PARP4: variants seen among roughly 807,000 people sequenced by gnomAD.
PARP4 encodes poly(ADP-ribose) polymerase family member 4.
Under a neutral mutation model 187.7 loss-of-function variants are expected in PARP4, and 120 were observed. The observed-to-expected ratio is 0.64, with a 90% CI of 0.55 to 0.74. PARP4 has a LOEUF of 0.74. PARP4 is among the 30% of genes least tolerant of loss of function. The pLI, the probability that PARP4 is intolerant of heterozygous loss-of-function variation, is 0.00. For missense variants in PARP4, 1,836 were observed against 2,070.5 expected (o/e 0.89, Z 2.20); for synonymous variants, 654 against 740.9 (o/e 0.88, Z 1.90).
chr13:24,456,293 A>G (rs770532018), intron 21 of PARP4, 48 bp downstream of exon 21: 7 of 1,477,860 alleles, frequency 4.7e-6, no homozygotes, highest in Non-Finnish European at 6.4e-6. Flanking sequence ...CTTATTCTGA[A>G]ACATTTTTTC....
chr13:24,465,377 T>C (rs1872407088), intron 17 of PARP4, among the ~76,000 whole-genome samples: 1 of 152,122 alleles, frequency 6.6e-6, no homozygotes, highest in Non-Finnish European at 1.5e-5. Flanking sequence ...AGCAAAGACA[T>C]GGAATCAATC....
chr13:24,450,846 G>C (rs1162610695), intron 24 of PARP4, among the ~76,000 whole-genome samples: 1 of 152,170 alleles, frequency 6.6e-6, no homozygotes, highest in African/African-American at 2.4e-5. Context: ...TGCACACCCA[G>C]ACTCCCCGTC....
chr13:24,492,516 T>C lies in PARP4; in HGVS notation c.958A>G (p.Met320Val). 4 of 1,614,010 alleles carry C rather than the reference T, an allele frequency of 2.5e-6. No individual in the cohort carries two copies. The highest frequency in any genetic ancestry group is 3.4e-6 in the Non-Finnish European group (4 of 1,179,836). Reference protein sequence around the residue: ...NGETAEQLQKMMTEFYRLIPH... With the variant: ...NGETAEQLQKVMTEFYRLIPH... ...ATCAGTCTGTAAAACTCTGTCATCA[T>C]CTTTTGCAATTGCTCTGCTGTTTCT... is the stretch of plus-strand genomic sequence containing the variant. The change falls in exon 9 of 34, where the codon ATG (methionine) becomes GTG (valine). Residue 320 changes from methionine to valine, a missense_variant. Met to Val is a conservative substitution (Grantham distance 21). Transcript: ENST00000381989.
chr13:24,433,532 G>A (rs950731974), intron 31 of PARP4, among the ~76,000 whole-genome samples: 45 of 152,230 alleles, frequency 3.0e-4, no homozygotes, highest in African/African-American at 1.1e-3. Flanking sequence ...AAGTCTCACA[G>A]CTAACAAGCA....
chr13:24,489,396 TC>T (rs1868499109), intron 10 of PARP4, among the ~76,000 whole-genome samples: 1 of 152,086 alleles, frequency 6.6e-6, no homozygotes, highest in African/African-American at 2.4e-5. Context: ...GATCACAAGG[TC>T]AGGAGATCAA....
chr13:24,434,874 T>G lies in PARP4; in HGVS notation c.4267A>C (p.Arg1423=). 6.2e-7 allele frequency: 1 copy of G among 1,614,120 alleles called. No homozygotes were observed. Residue 1423 remains arginine (R), a synonymous_variant, in exon 31 of 34, where the codon AGG becomes CGG. Coordinates refer to ENST00000381989, the MANE Select transcript of PARP4 (RefSeq NM_006437.4). ...PLQHPGGFTT[R]PSAGTFPELD... is the part of the protein sequence containing the mutation. The stretch of plus-strand genomic sequence containing the variant: ...TCAGGGAAGGTGCCAGCAGAAGGCC[T>G]GGTAGTAAAGCCTCCAGGATGTTGC...
chr13:24,500,927 A>G (rs903631237), intron 3 of PARP4, among the ~76,000 whole-genome samples: 1 of 152,230 alleles, frequency 6.6e-6, no homozygotes. Flanking sequence ...AGTAATTTGG[A>G]ATCTGAATAA....
intron 25 of PARP4, among the ~76,000 whole-genome samples, chr13:24,448,223 G>A (rs533008657): frequency 3.3e-5 from 5 of 151,954 alleles, no homozygotes; most frequent in East Asian, 1.9e-4. Context: ...AAACACCAAC[G>A]ACAAACAAAA....
Position 24,462,765 on chromosome 13 carries a change from T to G in PARP4, c.2134-2629A>C, listed in dbSNP as rs143272382. On this transcript the variant is annotated intron_variant, in intron 17 of 33. Coordinates refer to ENST00000381989, the MANE Select transcript of PARP4 (RefSeq NM_006437.4). ...AAACACATTATCAAAGTTGAAGAAT[T>G]TGACAAGCCTATCAGCTGACTGACA... Among the ~76,000 whole-genome samples the G allele has an allele frequency of 2.7e-3, 417 of 152,314 alleles. 1 individual carries two copies. The highest frequency in any genetic ancestry group is 9.4e-3 in the African/African-American group (392 of 41,558).
chr13:24,491,386 T>G (rs1868641881), intron 9 of PARP4, among the ~76,000 whole-genome samples: 1 of 152,352 alleles, frequency 6.6e-6, no homozygotes, highest in Non-Finnish European at 1.5e-5. Flanking sequence ...CCCAAAGTGC[T>G]GGGCTTACAG....
At chr13:24,421,745 G>C (rs923545879) in intron 33 of PARP4, among the ~76,000 whole-genome samples, 30 of 152,288 alleles carry the variant, frequency 2.0e-4, no homozygotes, top group African/African-American at 7.2e-4. Context: ...GAATATCTGA[G>C]AGTCCCCCAT....
intron 16 of PARP4, 23 bp from the exon 17 acceptor site, chr13:24,469,133 C>T (rs776168851): frequency 5.5e-6 from 8 of 1,449,932 alleles, no homozygotes; most frequent in South Asian, 3.4e-5. Flanking sequence ...AGTTTTAAAT[C>T]ATTCCTTACA....
chr13:24,444,367 T>TATC (rs1871103521), intron 27 of PARP4, among the ~76,000 whole-genome samples: 1 of 152,312 alleles, frequency 6.6e-6, no homozygotes, highest in African/African-American at 2.4e-5. Flanking sequence ...TATTCTCCCT[T>TATC]ATCAGTACCC....
At position 24,503,795 on chromosome 13, in the gene PARP4, T is replaced by C; in HGVS notation, c.-1-18A>G. 3.1e-6 allele frequency: 5 copies of C among 1,610,084 alleles called. No homozygotes were observed. The highest frequency in any genetic ancestry group is 4.2e-6 in the Non-Finnish European group (5 of 1,176,890). Reference sequence around the variant, plus strand: ...TCACCATCCTGTAGGAAAAAAAGTTTTTAAGGACCCTCTCTTAAGTCAATA... The same window carrying C: ...TCACCATCCTGTAGGAAAAAAAGTTCTTAAGGACCCTCTCTTAAGTCAATA... On this transcript the variant is annotated intron_variant, in intron 1 of 33. Transcript: ENST00000381989.
At chr13:24,505,269 G>A (rs1030607787) in intron 1 of PARP4, among the ~76,000 whole-genome samples, 6 of 152,148 alleles carry the variant, frequency 3.9e-5, no homozygotes, top group African/African-American at 1.4e-4. Context: ...TAATGCCACA[G>A]CCCACTGCTA....
chr13:24,487,438 AGG>A (rs1873625278), intron 10 of PARP4, among the ~76,000 whole-genome samples: 2 of 152,266 alleles, frequency 1.3e-5, no homozygotes, highest in South Asian at 2.1e-4. Flanking sequence ...GCAGGAGTAG[AGG>A]GGAGCATCTG....
At chr13:24,498,411 T>C (rs1869082535) in intron 5 of PARP4, among the ~76,000 whole-genome samples, 182 bp from the exon 6 acceptor site, 1 of 152,206 alleles carries the variant, frequency 6.6e-6, no homozygotes, top group Non-Finnish European at 1.5e-5. Context: ...ACGATCACTA[T>C]TAATATTTTG....
intron 1 of PARP4, among the ~76,000 whole-genome samples, chr13:24,505,059 A>T (rs1025827273): frequency 6.8e-6 from 1 of 147,160 alleles, no homozygotes; most frequent in Non-Finnish European, 1.5e-5. Context: ...GCTGGAGTGC[A>T]GTAGCAGATC....
intron 33 of PARP4, among the ~76,000 whole-genome samples, chr13:24,423,434 G>C (rs1188783820): frequency 6.6e-6 from 1 of 151,992 alleles, no homozygotes; most frequent in African/African-American, 2.4e-5. Flanking sequence ...AGGAGGCTGA[G>C]GCACGAGAAT....
Sources: gnomAD v4.1 joint callset for allele counts (sites outside exome capture counted in the v4.1 genomes callset) on GRCh38, gnomAD v4.1.1 for gene constraint, MANE v1.5 for transcripts, NCBI Gene and HGNC (gene_info 2026-07-23, HGNC 2026-07-21) for gene names.